Variants in P2RX3 observed in about 807,000 individuals in gnomAD.
P2RX3 encodes the protein purinergic receptor P2X 3.
Under a neutral mutation model 51.5 loss-of-function variants are expected in P2RX3, and 41 were observed. The ratio of observed to expected loss-of-function variants is 0.80; its 90% CI spans 0.62 to 1.03. The LOEUF is 1.03. Ranked by LOEUF, P2RX3 falls within the 50% of genes least tolerant of loss-of-function variation. The pLI, the probability that P2RX3 is intolerant of heterozygous loss-of-function variation, is 0.00. For synonymous variants in P2RX3, 185 were observed against 191.6 expected (o/e 0.97, Z 0.29); for missense variants, 459 against 522.1 (o/e 0.88, Z 1.18).
chr11:57,365,897 A>G (rs894450), intron 8 of P2RX3, among the ~76,000 whole-genome samples: 54,363 of 152,058 alleles, frequency 0.36, 11,677 homozygotes, highest in East Asian at 0.65. Flanking sequence ...TCTCTGTTGT[A>G]CAGGTTCAAA....
chr11:57,353,129 G>A (rs1218397582), intron 8 of P2RX3, among the ~76,000 whole-genome samples: 1 of 152,220 alleles, frequency 6.6e-6, no homozygotes, highest in Admixed American at 6.5e-5. Flanking sequence ...AGGCTGCAAA[G>A]CTGTCTTTCT....
At chr11:57,356,341 T>C (rs986184248) in intron 8 of P2RX3, among the ~76,000 whole-genome samples, 2 of 152,228 alleles carry the variant, frequency 1.3e-5, no homozygotes, top group African/African-American at 4.8e-5. Flanking sequence ...GCTGGTGTGA[T>C]TGACGGGAGA....
At position 57,350,785 on chromosome 11, in the gene P2RX3, CG is replaced by C. The variant is rs745372779; in HGVS notation, c.731del (p.Gly244AlafsTer55). 3.7e-6 allele frequency: 6 copies of C among 1,611,982 alleles called. No homozygotes were observed. The Admixed American group carries it at 1.0e-4, about 27-fold the overall frequency. ...AGGGGGGAGTTCTGGGCATTAAGAT[CG>C]GCTGGGTGTGCGACTTGGACAAGGC... ...RTGGVLGIKI[G>X]WVCDLDKAWD... is the part of the protein sequence containing the mutation. On this transcript the variant is annotated frameshift_variant, in exon 8 of 12. Transcript: ENST00000263314. LOFTEE classifies it high-confidence loss of function.
Position 57,351,630 on chromosome 11 carries a change from C to A in P2RX3, c.842+732C>A, listed in dbSNP as rs548926405. Among the ~76,000 whole-genome samples, 394 of 152,354 alleles carry A rather than the reference C, an allele frequency of 2.6e-3. 2 individuals are homozygous for A. The highest frequency in any genetic ancestry group is 2.8e-3 in the Non-Finnish European group (189 of 68,038). On this transcript the variant is annotated intron_variant, in intron 8 of 11. Transcript: ENST00000263314. ...CACCTATGAAATTGTGATAGTACCA[C>A]TGTGATCTTCAGGATTCAATTAACC...
At chr11:57,368,144 A>C (rs771449478) in intron 9 of P2RX3, 42 bp downstream of exon 9, 22 of 1,577,884 alleles carry the variant, frequency 1.4e-5, no homozygotes, top group Middle Eastern at 1.7e-4. Flanking sequence ...CAGGGGAGGC[A>C]GCCCAGACCA....
intron 9 of P2RX3, 75 bp from the exon 10 acceptor site, chr11:57,368,297 C>CG: frequency 3.9e-6 from 6 of 1,520,126 alleles, no homozygotes; most frequent in Middle Eastern, 1.7e-4. Flanking sequence ...ACCCTTCTGG[C>CG]GCCACGTGCA....
intron 6 of P2RX3, 107 bp downstream of exon 6, chr11:57,348,811 CG>C: frequency 1.3e-6 from 1 of 775,844 alleles, no homozygotes; most frequent in Non-Finnish European, 2.1e-6. Flanking sequence ...TTCCCACTTT[CG>C]CTCCACTGAC....
Position 57,368,020 on chromosome 11 carries a change from A to G in P2RX3, c.854A>G (p.Tyr285Cys), listed in dbSNP as rs755297038. ...CCTCTGACCTCCAGGTTTGCCAAGT[A>G]CTACAAAATGGAAAATGGCAGTGAG... ...SPGYNFRFAK[Y>C]YKMENGSEYR... Residue 285 changes from tyrosine (Y) to cysteine (C), a missense_variant, in exon 9 of 12, where the codon TAC becomes TGC. By Grantham distance (194) the Tyr-to-Cys change is radical. Coordinates refer to ENST00000263314, the MANE Select transcript of P2RX3 (RefSeq NM_002559.5). The G allele has an allele frequency of 1.2e-6, 2 of 1,614,022 alleles. No individual in the cohort carries two copies. The highest frequency in any genetic ancestry group is 3.3e-5 in the Admixed American group (2 of 60,002).
At chr11:57,368,781 G>A (rs1045054363) in intron 10 of P2RX3, among the ~76,000 whole-genome samples, 1 of 152,156 alleles carries the variant, frequency 6.6e-6, no homozygotes, top group Non-Finnish European at 1.5e-5. Context: ...AGCCCACGTG[G>A]CATGGTGGGC....
chr11:57,355,017 A>C (rs1856606254), intron 8 of P2RX3, among the ~76,000 whole-genome samples: 1 of 152,224 alleles, frequency 6.6e-6, no homozygotes, highest in African/African-American at 2.4e-5. Context: ...AGCTGTGAGC[A>C]GAGGACAGCC....
At chr11:57,345,062 G>A (rs1488414028) in intron 1 of P2RX3, among the ~76,000 whole-genome samples, 1 of 152,204 alleles carries the variant, frequency 6.6e-6, no homozygotes, top group African/African-American at 2.4e-5. Context: ...TGTGGCACGC[G>A]TGTGGTGACT....
upstream of P2RX3, among the ~76,000 whole-genome samples, chr11:57,336,828 G>C (rs1856230737): frequency 6.6e-6 from 1 of 152,314 alleles, no homozygotes; most frequent in African/African-American, 2.4e-5. Flanking sequence ...CCTGGGGTAA[G>C]AGACAACAGG....
At position 57,359,185 on chromosome 11, in the gene P2RX3, C is replaced by T. The variant is rs1055364784; in HGVS notation, c.842+8287C>T. On this transcript the variant is annotated intron_variant, in intron 8 of 11. Transcript: ENST00000263314. ...GAGCTGGGGTGCCTGACAGGAGCAG[C>T]AGTCAAAGTGACACAGCCACAGGCA... 1.2e-4 allele frequency among the ~76,000 whole-genome samples: 19 copies of T among 152,324 alleles called. 1 individual carries two copies. In the East Asian group the frequency reaches 3.5e-3, roughly 28 times the overall value.
upstream of P2RX3, among the ~76,000 whole-genome samples, chr11:57,337,196 G>A (rs1856239704): frequency 6.6e-6 from 1 of 150,812 alleles, no homozygotes; most frequent in South Asian, 2.1e-4. Context: ...GGAGGCTGAG[G>A]CATGAGAATT....
intron 11 of P2RX3, 101 bp downstream of exon 11, chr11:57,369,539 G>T: frequency 9.3e-7 from 1 of 1,075,708 alleles, no homozygotes; most frequent in Non-Finnish European, 1.3e-6. Flanking sequence ...TTCTGAAGGG[G>T]GGTTCACCAG....
intron 1 of P2RX3, among the ~76,000 whole-genome samples, chr11:57,342,278 G>C (rs1856355656): frequency 6.8e-6 from 1 of 147,210 alleles, no homozygotes; most frequent in Non-Finnish European, 1.5e-5. Flanking sequence ...TCCTGCCTCA[G>C]CCTCCCCGGT....
chr11:57,354,811 C>T (rs1856603275), intron 8 of P2RX3, among the ~76,000 whole-genome samples: 1 of 152,066 alleles, frequency 6.6e-6, no homozygotes, highest in South Asian at 2.1e-4. Flanking sequence ...TCAGGGTCCC[C>T]GCAGGAAACA....
chr11:57,359,018 A>C (rs1314902629), intron 8 of P2RX3, among the ~76,000 whole-genome samples: 1 of 152,124 alleles, frequency 6.6e-6, no homozygotes, highest in African/African-American at 2.4e-5. Context: ...CCCGGAGGCA[A>C]AGCACATTCA....
At chr11:57,360,515 C>G (rs1856698197) in intron 8 of P2RX3, among the ~76,000 whole-genome samples, 1 of 152,074 alleles carries the variant, frequency 6.6e-6, no homozygotes, top group African/African-American at 2.4e-5. Context: ...AGATATGAGG[C>G]CAGGCGCGGT....
Sources: allele counts gnomAD v4.1 joint callset (sites outside exome capture counted in the v4.1 genomes callset), GRCh38; gene constraint gnomAD v4.1.1; transcripts MANE v1.5; gene names NCBI Gene and HGNC (gene_info 2026-07-23, HGNC 2026-07-21).